ARMC2: variants seen among roughly 807,000 people sequenced by gnomAD.
ARMC2 encodes armadillo repeat containing 2.
ARMC2 carries 67 observed loss-of-function variants against 90.3 expected under a neutral mutation model. The observed-to-expected ratio is 0.74, with a 90% CI of 0.61 to 0.91. ARMC2 has a LOEUF of 0.91. ARMC2 is among the 40% of genes least tolerant of loss of function. ARMC2 has a pLI of 0.00. For missense variants in ARMC2, 920 were observed against 1,030.9 expected (o/e 0.89, Z 1.47); for synonymous variants, 393 against 393.0 (o/e 1.00, Z 0.00).
intron 6 of ARMC2, among the ~76,000 whole-genome samples, chr6:108,894,928 G>A (rs916606923): frequency 5.3e-5 from 8 of 150,468 alleles, no homozygotes; most frequent in African/African-American, 1.9e-4. Context: ...CACCACGCCT[G>A]GCTAATTTTT....
chr6:108,937,108 C>T (rs1229465074), intron 12 of ARMC2, 109 bp downstream of exon 12: 1 of 999,198 alleles, frequency 1.0e-6, no homozygotes, highest in African/African-American at 1.6e-5. Context: ...CTATAAGAAA[C>T]TTCCATTAAA....
chr6:108,989,078 T>C, the ARMC2 span, among the ~76,000 whole-genome samples: 1 of 152,110 alleles, frequency 6.6e-6, no homozygotes, highest in Non-Finnish European at 1.5e-5. Context: ...TCTTGGCTTA[T>C]TGCAACCTCT....
intron 5 of ARMC2, among the ~76,000 whole-genome samples, chr6:108,884,959 C>T (rs1777937221): frequency 6.6e-6 from 1 of 152,130 alleles, no homozygotes; most frequent in African/African-American, 2.4e-5. Context: ...CAGAAGAGGC[C>T]AGTCACAGCC....
At chr6:108,871,108 C>T (rs1776364493) in intron 4 of ARMC2, among the ~76,000 whole-genome samples, 2 of 152,102 alleles carry the variant, frequency 1.3e-5, no homozygotes, top group Non-Finnish European at 1.5e-5. Flanking sequence ...GAAGGAAAAG[C>T]GAGTGCAATG....
At chr6:108,957,593 C>T (rs1365304913) in intron 13 of ARMC2, among the ~76,000 whole-genome samples, 1 of 152,206 alleles carries the variant, frequency 6.6e-6, no homozygotes, top group Non-Finnish European at 1.5e-5. Context: ...GCCCCCTTCC[C>T]TAGTCATGTG....
intron 12 of ARMC2, among the ~76,000 whole-genome samples, chr6:108,944,278 C>A (rs1478379254): frequency 6.6e-6 from 1 of 152,222 alleles, no homozygotes; most frequent in African/African-American, 2.4e-5. Context: ...TGGTAAGAAC[C>A]ACTGGCCCTT....
rs182384927 is a variant in ARMC2, at chr6:108,908,489, A to G, written c.1024-2410A>G. On this transcript the variant is annotated intron_variant, in intron 8 of 17. Transcript: ENST00000392644. Reference sequence around the variant, plus strand: ...CCTGACAGATTCTATTATTTTTTTAAAGTAACTGAAAACTCATTAATAAAA... The same window carrying G: ...CCTGACAGATTCTATTATTTTTTTAGAGTAACTGAAAACTCATTAATAAAA... Among the ~76,000 whole-genome samples the G allele has an allele frequency of 7.9e-4, 120 of 152,288 alleles. No homozygotes were observed. The Middle Eastern group carries it at 0.014, about 17-fold the overall frequency.
At chr6:108,954,367 G>C (rs182692725) in intron 13 of ARMC2, among the ~76,000 whole-genome samples, 20 of 152,304 alleles carry the variant, frequency 1.3e-4, no homozygotes, top group South Asian at 4.1e-4. Context: ...GCTCAGGCCT[G>C]TAATCCCAGC....
At chr6:108,936,520 T>C (rs1363445648) in intron 11 of ARMC2, among the ~76,000 whole-genome samples, 1 of 152,218 alleles carries the variant, frequency 6.6e-6, no homozygotes, top group East Asian at 1.9e-4. Flanking sequence ...CCTCCCAAAG[T>C]GCTGGGATTA....
Position 108,864,374 on chromosome 6 carries a change from A to G in ARMC2, c.292-4450A>G, listed in dbSNP as rs187714390. 4.1e-3 allele frequency among the ~76,000 whole-genome samples: 620 copies of G among 149,638 alleles called. 2 individuals carry two copies. Among genetic ancestry groups the G allele is most frequent in the African/African-American group, 0.014 (581 of 40,610 alleles). On this transcript the variant is annotated intron_variant, in intron 3 of 17. Transcript: ENST00000392644. ...AGTGATTCTCCTGCCTCAGCCTCCC[A>G]AGTAGCTGGGACTACAGGCGCCCAC...
At chr6:108,886,415 G>A (rs945777986) in intron 5 of ARMC2, among the ~76,000 whole-genome samples, 3 of 152,222 alleles carry the variant, frequency 2.0e-5, no homozygotes, top group Non-Finnish European at 2.9e-5. Flanking sequence ...AAAATTAGCC[G>A]GGTGTGGTGG....
rs1029358301 is a variant in ARMC2 at position 108,876,211 on chromosome 6, T to C, written c.532T>C (p.Tyr178His). 1.2e-5 allele frequency: 19 copies of C among 1,613,042 alleles called. No homozygotes were observed. The highest frequency in any genetic ancestry group is 1.6e-5 in the Non-Finnish European group (19 of 1,179,580). ...CTCTATGGTGAAAATAAATGGGATT[T>C]ATTTAACAAAATCAAATGCTATTTG... Reference protein sequence around the residue: ...GDSMVKINGIYLTKSNAICHL... With the variant: ...GDSMVKINGIHLTKSNAICHL... The change falls in exon 5 of 18, where the codon TAT becomes CAT. Residue 178 changes from tyrosine (Y) to histidine (H), a missense_variant. By Grantham distance (83) the Tyr-to-His change is moderately conservative. Coordinates refer to ENST00000392644, the MANE Select transcript of ARMC2 (RefSeq NM_032131.6).
chr6:109,022,411 CTTTTTTTTTTTTTTTT>C, the ARMC2 span, among the ~76,000 whole-genome samples: 2 of 65,878 alleles, frequency 3.0e-5, no homozygotes, highest in East Asian at 1.0e-3. Flanking sequence ...TGTTCTAAAG[CTTTTTTTTTTTTTTTT>C]TTTTTTTTTT....
At chr6:108,969,014 C>G (rs1778572794) in intron 17 of ARMC2, among the ~76,000 whole-genome samples, 3 of 152,164 alleles carry the variant, frequency 2.0e-5, no homozygotes, top group Non-Finnish European at 4.4e-5. Flanking sequence ...GCTGAGCACT[C>G]CAGACTACCA....
At chr6:109,041,524 AT>A in the ARMC2 span, among the ~76,000 whole-genome samples, 24,687 of 152,012 alleles carry the variant, frequency 0.16, 2,504 homozygotes, top group Non-Finnish European at 0.23. Context: ...GTTTTACTAC[AT>A]TTTTTGAAAA....
chr6:108,922,403 G>A (rs538699197), intron 10 of ARMC2, among the ~76,000 whole-genome samples: 4 of 152,168 alleles, frequency 2.6e-5, no homozygotes, highest in African/African-American at 4.8e-5. Context: ...CATGAGAGTC[G>A]CTGGGATTAC....
intron 1 of ARMC2, among the ~76,000 whole-genome samples, chr6:108,853,358 T>C (rs1159801936): frequency 6.6e-6 from 1 of 152,194 alleles, no homozygotes; most frequent in Non-Finnish European, 1.5e-5. Context: ...TTTAGTTTCC[T>C]GGGGCATGTG....
At chr6:109,013,945 T>C in the ARMC2 span, among the ~76,000 whole-genome samples, 1 of 152,186 alleles carries the variant, frequency 6.6e-6, no homozygotes, top group African/African-American at 2.4e-5. Flanking sequence ...ACATCATGTT[T>C]TGGGTACATT....
chr6:109,009,595 C>A, the ARMC2 span: 2 of 1,049,528 alleles, frequency 1.9e-6, no homozygotes, highest in Non-Finnish European at 2.3e-6. Flanking sequence ...CCGCGCGGCC[C>A]CGCCCCGCGC....
Sources: allele counts gnomAD v4.1 joint callset (sites outside exome capture counted in the v4.1 genomes callset), GRCh38; gene constraint gnomAD v4.1.1; transcripts MANE v1.5; gene names NCBI Gene and HGNC (gene_info 2026-07-23, HGNC 2026-07-21).